The following THRB variants were observed in gnomAD, a reference collection of about 807,000 sequenced individuals.
The protein encoded by THRB is nuclear receptor subfamily 1 group A member 2.
In THRB, 12 loss-of-function variants were observed where a neutral mutation model predicts 47.8. The observed-to-expected ratio is 0.25, with a 90% CI of 0.16 to 0.41. The LOEUF is 0.41. THRB is among the 10% of genes least tolerant of loss of function. The probability of loss-of-function intolerance (pLI) is 1.00; values close to 1 mark genes in which losing one functional copy is unlikely to be tolerated. For missense variants in THRB, 348 were observed against 589.2 expected (o/e 0.59, Z 4.24); for synonymous variants, 218 against 212.2 (o/e 1.03, Z -0.24).
chr3:24,208,940 G>C (rs55633713), intron 4 of THRB, among the ~76,000 whole-genome samples: 21,595 of 152,056 alleles, frequency 0.14, 4,465 homozygotes, highest in African/African-American at 0.46. Flanking sequence ...TGCAATCTAC[G>C]CATCTGACAA....
rs909981488 is a variant in THRB, at chr3:24,217,694, C to G, written c.22+11244G>C. Among the ~76,000 whole-genome samples the G allele has an allele frequency of 1.1e-4, 17 of 152,238 alleles. No homozygotes were observed. In the East Asian group the frequency reaches 3.3e-3, roughly 29 times the overall value. ...TTTCCCCTCCCATTTTCTGCTATGACTTCCTACATGATGTGATTGTATCAT... is the reference window on the plus strand; with the variant it reads ...TTTCCCCTCCCATTTTCTGCTATGAGTTCCTACATGATGTGATTGTATCAT... On this transcript the variant is annotated intron_variant, in intron 4 of 10. Coordinates refer to ENST00000646209, the MANE Select transcript of THRB (RefSeq NM_001354712.2).
chr3:24,486,575 A>G (rs1450936700), intron 1 of THRB: 1 of 152,234 alleles, frequency 6.6e-6, no homozygotes, highest in African/African-American at 2.4e-5. Context: ...ATTCTAGTGC[A>G]TGGCTTCACT....
At chr3:24,330,263 C>A (rs549217146) in intron 2 of THRB, among the ~76,000 whole-genome samples, 56 of 152,138 alleles carry the variant, frequency 3.7e-4, no homozygotes, top group East Asian at 2.1e-3. Flanking sequence ...GCCGAGATTG[C>A]GCCACTGCAG....
At chr3:24,233,021 C>A (rs187656683) in intron 3 of THRB, among the ~76,000 whole-genome samples, 1 of 152,108 alleles carries the variant, frequency 6.6e-6, no homozygotes, top group Non-Finnish European at 1.5e-5. Context: ...GCAGGTGGAG[C>A]CTTCCTCTGC....
At chr3:24,207,905 T>A (rs1324038883) in intron 4 of THRB, among the ~76,000 whole-genome samples, 1 of 152,192 alleles carries the variant, frequency 6.6e-6, no homozygotes, top group Admixed American at 6.5e-5. Context: ...GAAGTCAAAT[T>A]GTCCCTGTTT....
intron 1 of THRB, among the ~76,000 whole-genome samples, chr3:24,370,270 T>C (rs1000226360): frequency 2.0e-5 from 3 of 152,116 alleles, no homozygotes; most frequent in Non-Finnish European, 4.4e-5. Flanking sequence ...CAGACCATTC[T>C]CACCATCCTG....
intron 2 of THRB, among the ~76,000 whole-genome samples, chr3:24,303,578 C>T (rs75758237): frequency 0.019 from 2,960 of 151,904 alleles, 98 homozygotes; most frequent in African/African-American, 0.067. Context: ...CTGAGATCCC[C>T]TGATTCCCAC....
chr3:24,326,210 C>T (rs2058793393), intron 2 of THRB, among the ~76,000 whole-genome samples: 1 of 152,178 alleles, frequency 6.6e-6, no homozygotes, highest in African/African-American at 2.4e-5. Context: ...CTCCCCACCT[C>T]CACCACCACG....
At chr3:24,129,901 G>T (rs766246757) in intron 9 of THRB, among the ~76,000 whole-genome samples, 2 of 152,184 alleles carry the variant, frequency 1.3e-5, no homozygotes, top group East Asian at 1.9e-4. Context: ...GTCTTGTTTG[G>T]TGGGTTGGCG....
intron 4 of THRB, among the ~76,000 whole-genome samples, chr3:24,199,980 C>T (rs778649909): frequency 6.6e-6 from 1 of 152,174 alleles, no homozygotes; most frequent in Non-Finnish European, 1.5e-5. Flanking sequence ...ATGGAATCCT[C>T]CCCCAGGAAT....
At chr3:24,438,497 GAACA>G (rs2071201406) in intron 1 of THRB, among the ~76,000 whole-genome samples, 1 of 133,784 alleles carries the variant, frequency 7.5e-6, no homozygotes, top group Non-Finnish European at 1.6e-5. Context: ...TTGTCAGAGA[GAACA>G]AAAAGGTGTG....
At chr3:24,490,133 T>C (rs960515409) in intron 1 of THRB, among the ~76,000 whole-genome samples, 5 of 152,204 alleles carry the variant, frequency 3.3e-5, no homozygotes, top group Admixed American at 1.3e-4. Context: ...TGTTGTCTCA[T>C]AGGTCACTGG....
chr3:24,481,416 T>C (rs1040263504), intron 1 of THRB, among the ~76,000 whole-genome samples: 2 of 151,990 alleles, frequency 1.3e-5, no homozygotes, highest in Admixed American at 6.6e-5. Flanking sequence ...GAAAAGAGCT[T>C]GCATGTGGTT....
At chr3:24,399,290 TC>T (rs1431152743) in intron 1 of THRB, among the ~76,000 whole-genome samples, 2 of 151,756 alleles carry the variant, frequency 1.3e-5, no homozygotes, top group African/African-American at 4.8e-5. Flanking sequence ...AAATTATGCC[TC>T]CCTCAGTCTA....
chr3:24,335,716 C>A (rs1370415971), intron 2 of THRB, among the ~76,000 whole-genome samples: 1 of 152,132 alleles, frequency 6.6e-6, no homozygotes, highest in Admixed American at 6.5e-5. Flanking sequence ...ATTAGTTATT[C>A]CTTTTCTAGA....
At chr3:24,257,562 T>C (rs1223545688) in intron 3 of THRB, among the ~76,000 whole-genome samples, 2 of 152,240 alleles carry the variant, frequency 1.3e-5, no homozygotes, top group Admixed American at 1.3e-4. Context: ...AAATTTTATC[T>C]GAACAGAGCT....
At chr3:24,346,055 T>C (rs529949291) in intron 1 of THRB, among the ~76,000 whole-genome samples, 69 of 151,984 alleles carry the variant, frequency 4.5e-4, no homozygotes, top group Non-Finnish European at 7.5e-4. Flanking sequence ...AGATGGGAGC[T>C]TGGAAACACA....
chr3:24,253,619 T>C (rs2050894089), intron 3 of THRB, among the ~76,000 whole-genome samples: 3 of 152,168 alleles, frequency 2.0e-5, no homozygotes, highest in African/African-American at 4.8e-5. Flanking sequence ...CAGGACGGAA[T>C]TGTCACATGG....
intron 1 of THRB, among the ~76,000 whole-genome samples, chr3:24,391,111 G>T (rs1428309279): frequency 6.6e-6 from 1 of 152,158 alleles, no homozygotes; most frequent in Non-Finnish European, 1.5e-5. Context: ...AAGCAGGTTG[G>T]TCTTGGGAAA....
Sources: gnomAD v4.1 joint callset for allele counts (sites outside exome capture counted in the v4.1 genomes callset) on GRCh38, gnomAD v4.1.1 for gene constraint, MANE v1.5 for transcripts, NCBI Gene and HGNC (gene_info 2026-07-23, HGNC 2026-07-21) for gene names.